CCDC12: variants seen among roughly 807,000 people sequenced by gnomAD.
CCDC12 encodes coiled-coil domain-containing protein 12.
CCDC12 carries 28 observed loss-of-function variants against 25.7 expected under a neutral mutation model. That is an observed-to-expected ratio of 1.09 (90% confidence interval 0.81 to 1.50). CCDC12 has a LOEUF of 1.50. Among genes scored for constraint, CCDC12 ranks in the 40% most tolerant of loss-of-function variants. The pLI, the probability that CCDC12 is intolerant of heterozygous loss-of-function variation, is 0.00. For synonymous variants in CCDC12, 75 were observed against 87.7 expected (o/e 0.86, Z 0.81); for missense variants, 198 against 210.0 (o/e 0.94, Z 0.35).
chr3:46,981,322 A>G (rs955796480), upstream of CCDC12, among the ~76,000 whole-genome samples: 5 of 152,228 alleles, frequency 3.3e-5, no homozygotes, highest in African/African-American at 1.2e-4. Flanking sequence ...TGTGCCTGTA[A>G]TCCCAGCTAC....
chr3:46,936,122 A>G (rs1559552386), intron 2 of CCDC12, among the ~76,000 whole-genome samples: 1 of 152,198 alleles, frequency 6.6e-6, no homozygotes, highest in East Asian at 1.9e-4. Flanking sequence ...TCATTTACTT[A>G]GCCACAAACC....
chr3:46,966,524 AAAG>A (rs1219300594), intron 1 of CCDC12, among the ~76,000 whole-genome samples: 17 of 150,852 alleles, frequency 1.1e-4, no homozygotes, highest in African/African-American at 3.7e-4. Flanking sequence ...TCAAAAAAAA[AAAG>A]AAAGAAAGAA....
intron 1 of CCDC12, among the ~76,000 whole-genome samples, chr3:46,969,822 T>A (rs974846013): frequency 6.6e-6 from 1 of 152,008 alleles, no homozygotes; most frequent in African/African-American, 2.4e-5. Flanking sequence ...AGATGCACCG[T>A]CGAATAAGGC....
intron 1 of CCDC12, among the ~76,000 whole-genome samples, chr3:46,959,575 A>G (rs1258452422): frequency 6.6e-6 from 1 of 152,204 alleles, no homozygotes; most frequent in Non-Finnish European, 1.5e-5. Context: ...GTTCACCCAG[A>G]GCAGCCATCA....
intron 1 of CCDC12, among the ~76,000 whole-genome samples, chr3:46,959,092 G>A (rs1425469867): frequency 6.6e-6 from 1 of 152,192 alleles, no homozygotes; most frequent in Non-Finnish European, 1.5e-5. Context: ...ATCTACAAGT[G>A]ATAAAAATCC....
At chr3:46,953,700 G>T (rs1461838533) in intron 1 of CCDC12, among the ~76,000 whole-genome samples, 1 of 151,136 alleles carries the variant, frequency 6.6e-6, no homozygotes, top group Admixed American at 6.6e-5. Context: ...AGGACAGGTT[G>T]AGCCTGCACA....
intron 1 of CCDC12, among the ~76,000 whole-genome samples, chr3:46,968,592 C>A (rs1657271806): frequency 6.6e-6 from 1 of 152,192 alleles, no homozygotes; most frequent in Non-Finnish European, 1.5e-5. Context: ...TTTTTCAAGG[C>A]TTGCTCTGAG....
Position 46,922,223 on chromosome 3 carries a change from G to A in CCDC12, c.418+13C>T, listed in dbSNP as rs562001601. 6.8e-6 allele frequency: 11 copies of A among 1,614,240 alleles called. No homozygotes were observed. The Admixed American group carries it at 1.3e-4, about 20-fold the overall frequency. ...AGTGGGCAGGACCCCACCTTCCCAG[G>A]CACTGCACTTACGGATCAGCTCGGC... On this transcript the variant is annotated intron_variant, in intron 6 of 6. Coordinates refer to ENST00000683445, the MANE Select transcript of CCDC12 (RefSeq NM_001277074.2).
chr3:46,926,952 C>A (rs995760314), intron 2 of CCDC12, among the ~76,000 whole-genome samples: 2 of 152,228 alleles, frequency 1.3e-5, no homozygotes, highest in African/African-American at 4.8e-5. Flanking sequence ...TTCCCAGAGG[C>A]AGGGGTGTCT....
At chr3:46,974,984 A>T (rs894468007) in intron 1 of CCDC12, among the ~76,000 whole-genome samples, 1 of 152,216 alleles carries the variant, frequency 6.6e-6, no homozygotes, top group Non-Finnish European at 1.5e-5. Flanking sequence ...AAGTCCAGGT[A>T]AAAAAGCAAA....
chr3:46,959,188 C>A (rs1222275636), intron 1 of CCDC12, among the ~76,000 whole-genome samples: 3 of 116,142 alleles, frequency 2.6e-5, no homozygotes, highest in African/African-American at 9.2e-5. Context: ...TCCCCACCTA[C>A]ACACACTTCC....
At chr3:46,931,108 G>C (rs2033194272) in intron 2 of CCDC12, among the ~76,000 whole-genome samples, 1 of 152,236 alleles carries the variant, frequency 6.6e-6, no homozygotes, top group African/African-American at 2.4e-5. Flanking sequence ...AGAGAGGGCA[G>C]GAATGTGGCT....
chr3:46,941,666 G>A (rs1227725720), intron 1 of CCDC12, among the ~76,000 whole-genome samples: 1 of 152,170 alleles, frequency 6.6e-6, no homozygotes, highest in Non-Finnish European at 1.5e-5. Context: ...GATGGCTTTA[G>A]GTGGTGAGAA....
At position 46,934,092 on chromosome 3, in the gene CCDC12, T is replaced by C. The variant is rs560786970; in HGVS notation, c.164+6906A>G. Among the ~76,000 whole-genome samples, 34 of 152,212 alleles carry C rather than the reference T, an allele frequency of 2.2e-4. 1 individual carries two copies. The East Asian group carries it at 6.6e-3, about 29-fold the overall frequency. On this transcript the variant is annotated intron_variant, in intron 2 of 6. Coordinates refer to ENST00000683445, the MANE Select transcript of CCDC12 (RefSeq NM_001277074.2). The stretch of plus-strand genomic sequence containing the variant: ...GAGCCACAGCACCCGGTTGTAAATA[T>C]CAATTTAAATTTTAAAACAGGAGAG...
At chr3:46,928,241 A>C (rs1575537388) in intron 2 of CCDC12, among the ~76,000 whole-genome samples, 3 of 143,094 alleles carry the variant, frequency 2.1e-5, no homozygotes, top group African/African-American at 8.1e-5. Flanking sequence ...AGACTGTCTC[A>C]AAAAAAAAAA....
intron 1 of CCDC12, 176 bp downstream of exon 1, chr3:46,976,461 C>T: frequency 7.0e-7 from 1 of 1,427,734 alleles, no homozygotes; most frequent in Non-Finnish European, 9.1e-7. Flanking sequence ...AGGAGTCCCA[C>T]GCCAAGCAGC....
At chr3:46,945,691 G>A (rs2033876175) in intron 1 of CCDC12, among the ~76,000 whole-genome samples, 1 of 152,186 alleles carries the variant, frequency 6.6e-6, no homozygotes, top group Non-Finnish European at 1.5e-5. Context: ...TTTGTTATAG[G>A]ACTGTATAGA....
intron 1 of CCDC12, among the ~76,000 whole-genome samples, chr3:46,962,270 C>T (rs1002946472): frequency 6.6e-6 from 1 of 151,732 alleles, no homozygotes; most frequent in Non-Finnish European, 1.5e-5. Flanking sequence ...CCTGTCTCTA[C>T]TAAAAACACA....
chr3:46,955,019 C>T (rs927930965), intron 1 of CCDC12, among the ~76,000 whole-genome samples: 1 of 152,220 alleles, frequency 6.6e-6, no homozygotes, highest in Non-Finnish European at 1.5e-5. Context: ...TTATTCAAAG[C>T]CTGTGACCAA....
Sources: gnomAD v4.1 joint callset for allele counts (sites outside exome capture counted in the v4.1 genomes callset) on GRCh38, gnomAD v4.1.1 for gene constraint, MANE v1.5 for transcripts, NCBI Gene and HGNC (gene_info 2026-07-23, HGNC 2026-07-21) for gene names.